The following CARMIL2 variants were observed in gnomAD, a reference collection of about 807,000 sequenced individuals.
The protein encoded by CARMIL2 is capping protein regulator and myosin 1 linker 2.
CARMIL2 carries 96 observed loss-of-function variants against 173.3 expected under a neutral mutation model. The observed-to-expected ratio is 0.55, with a 90% CI of 0.47 to 0.66. CARMIL2 has a LOEUF of 0.66. Ranked by LOEUF, CARMIL2 falls within the 30% of genes least tolerant of loss-of-function variation. The pLI is 0.00. For synonymous variants in CARMIL2, 830 were observed against 817.1 expected (o/e 1.02, Z -0.27); for missense variants, 1,771 against 1,906.7 (o/e 0.93, Z 1.33).
chr16:67,646,383 A>G lies in CARMIL2; in HGVS notation c.375-43A>G. On this transcript the variant is annotated intron_variant, in intron 5 of 37. Coordinates refer to ENST00000334583, the MANE Select transcript of CARMIL2 (RefSeq NM_001013838.3). The surrounding 1 kb of genome is among the most constrained non-coding windows in gnomAD (Gnocchi z 4.6). ...TGAGAAGGGCTGCTTCCCATCCCAG[A>G]GGCTGGAAGTCCTTTGCCCCCTTCT... 6.2e-7 allele frequency: 1 copy of G among 1,607,250 alleles called. No homozygotes were observed. Among genetic ancestry groups the G allele is most frequent in the Non-Finnish European group, 8.5e-7 (1 of 1,175,450 alleles).
chr16:67,646,028 C>G lies in CARMIL2; in HGVS notation c.197C>G (p.Thr66Arg). ...CTAGGCCCTTTCTAGGTGGACTGCA[C>G]GTTCAGCTACCTGGAGGTCCAGGCC... is the stretch of plus-strand genomic sequence containing the variant. ...TTCLPLRVDC[T>R]FSYLEVQAMA... The change falls in exon 4 of 38, where the codon ACG (threonine) becomes AGG (arginine). Residue 66 changes from threonine (T) to arginine (R), a missense_variant. Transcript: ENST00000334583. The surrounding 1 kb of genome is among the most constrained non-coding windows in gnomAD (Gnocchi z 4.6). 4 of 1,613,768 alleles carry G rather than the reference C, an allele frequency of 2.5e-6. No individual in the cohort carries two copies. Among genetic ancestry groups the G allele is most frequent in the Non-Finnish European group, 3.4e-6 (4 of 1,179,878 alleles).
In CARMIL2 at chr16:67,656,685, G is replaced by A. The variant is rs372340727; in HGVS notation, c.4036+40G>A. The A allele has an allele frequency of 4.2e-5, 66 of 1,571,418 alleles. 1 individual carries two copies. The highest frequency in any genetic ancestry group is 9.0e-5 in the East Asian group (4 of 44,280). On this transcript the variant is annotated intron_variant, in intron 35 of 37. Transcript: ENST00000334583. ...GATTCCCCACCCCAATCCTGGCCTC[G>A]GGGCTGGAGGAGTTCCTGCTGGGAA... is the stretch of plus-strand genomic sequence containing the variant.
At position 67,646,515 on chromosome 16, in the gene CARMIL2, G is replaced by A. The variant is rs1473444823; in HGVS notation, c.464G>A (p.Cys155Tyr). 6.2e-7 allele frequency: 1 copy of A among 1,612,922 alleles called. No individual in the cohort carries two copies. Reference sequence around the variant, plus strand: ...GAGTCCACTGACCCCTGCAGCCCCTGTGGTAAGGGTGAAGGCAGAGCCACA... The same window carrying A: ...GAGTCCACTGACCCCTGCAGCCCCTATGGTAAGGGTGAAGGCAGAGCCACA... ...PSESTDPCSP[C>Y]GGFLETYEAL... is the part of the protein sequence containing the mutation. Residue 155 changes from cysteine (C) to tyrosine (Y), a missense_variant and splice_region_variant, in exon 6 of 38, where the codon TGT (cysteine) becomes TAT (tyrosine). Cys to Tyr is a radical substitution (Grantham distance 194, BLOSUM62 -2). Coordinates refer to ENST00000334583, the MANE Select transcript of CARMIL2 (RefSeq NM_001013838.3). This position sits in a 1 kb window ranked among gnomAD's most constrained non-coding sequence, Gnocchi z 4.6.
chr16:67,651,130 C>A lies in CARMIL2; in HGVS notation c.2185-57C>A, dbSNP rs528439805. 8 of 1,573,364 alleles carry A rather than the reference C, an allele frequency of 5.1e-6. No homozygotes were observed. The South Asian group carries it at 8.1e-5, about 16-fold the overall frequency. ...TTAAAGAGCCTGGGAGGAAGGCAGG[C>A]AGGATCTGGGAGACTGGGAGGGGGC... On this transcript the variant is annotated intron_variant, in intron 22 of 37. Coordinates refer to ENST00000334583, the MANE Select transcript of CARMIL2 (RefSeq NM_001013838.3). The surrounding 1 kb of genome is among the most constrained non-coding windows in gnomAD (Gnocchi z 4.2).
Position 67,656,573 on chromosome 16 carries a change from C to T in CARMIL2, c.3964C>T (p.Pro1322Ser), listed in dbSNP as rs2052861477. Residue 1322 changes from proline to serine, a missense_variant, in exon 35 of 38, where the codon CCC (proline) becomes TCC (serine). Pro to Ser is a moderately conservative substitution (Grantham distance 74). Around this residue, in one of 3 missense-constraint regions of CARMIL2, gnomAD observed 817 missense variants for 903.5 expected, o/e 0.90. Transcript: ENST00000334583. ...TCCCTCCCCTGGTCAAAGCCCAAGT[C>T]CCTGCAGAACCAGCCCCTCCCCAGA... ...GPPSPGQSPS[P>S]CRTSPSPDSL... 6 of 1,612,868 alleles carry T rather than the reference C, an allele frequency of 3.7e-6. No individual in the cohort carries two copies. The highest frequency in any genetic ancestry group is 5.1e-6 in the Non-Finnish European group (6 of 1,179,656).
intron 22 of CARMIL2, chr16:67,650,817 T>A (rs2052708889): frequency 4.6e-6 from 1 of 215,168 alleles, no homozygotes; most frequent in African/African-American, 2.3e-5. Context: ...CCTTCATACA[T>A]GCCACTCCTT....
chr16:67,647,304 T>G lies in CARMIL2; in HGVS notation c.693T>G (p.Leu231=), dbSNP rs544130479. ...CGCCGCCCTCTGCTTCTCAGAGCCT[T>G]GAGGTCTCAGAACAGATTCTGCACA... The part of the protein sequence containing the change: ...CLSCVDMKLS[L]EVSEQILHMM... The change falls in exon 10 of 38, where the codon CTT becomes CTG. Residue 231 remains leucine, a synonymous_variant. Transcript: ENST00000334583. The G allele has an allele frequency of 5.6e-6, 9 of 1,603,360 alleles. No individual in the cohort carries two copies. The highest frequency in any genetic ancestry group is 7.7e-6 in the Non-Finnish European group (9 of 1,175,032).
Position 67,649,029 on chromosome 16 carries a change from C to T in CARMIL2, c.1592-47C>T, listed in dbSNP as rs868562203. ...TCATCCACTCGATTCCCAATCCCCA[C>T]CCTACCCTTGCAACTTCGCCTCGTG... On this transcript the variant is annotated intron_variant, in intron 17 of 37. Coordinates refer to ENST00000334583, the MANE Select transcript of CARMIL2 (RefSeq NM_001013838.3). This position sits in a 1 kb window ranked among gnomAD's most constrained non-coding sequence, Gnocchi z 6.7. 1 of 1,603,278 alleles carries T rather than the reference C, an allele frequency of 6.2e-7. No individual in the cohort carries two copies. Among genetic ancestry groups the T allele is most frequent in the Middle Eastern group, 1.7e-4 (1 of 6,050 alleles).
At position 67,645,549 on chromosome 16, in the gene CARMIL2, C is replaced by A. The variant is rs762181820; in HGVS notation, c.50C>A (p.Thr17Asn). 2 of 1,604,274 alleles carry A rather than the reference C, an allele frequency of 1.2e-6. No individual in the cohort carries two copies. The highest frequency in any genetic ancestry group is 2.2e-5 in the South Asian group (2 of 89,726). The change falls in exon 2 of 38, where the codon ACC becomes AAC. Residue 17 changes from threonine (T) to asparagine (N), a missense_variant. Thr to Asn is a moderately conservative substitution (Grantham distance 65, BLOSUM62 0). This residue lies in a region of CARMIL2 where 944 missense variants were observed against 975.6 expected (regional missense o/e 0.97). Transcript: ENST00000334583. ...GGCTGCCCTTCCACAGGCGAGATCACCAGGTTCCTGTGGCCCAAAGAGGTG... is the reference window on the plus strand; with the variant it reads ...GGCTGCCCTTCCACAGGCGAGATCAACAGGTTCCTGTGGCCCAAAGAGGTG... ...GISCELRGEI[T>N]RFLWPKEVEL...
rs1333720804 is a variant in CARMIL2 at position 67,646,154 on chromosome 16, G to A, written c.250-32G>A. The A allele has an allele frequency of 1.2e-6, 2 of 1,613,666 alleles. No individual in the cohort carries two copies. The highest frequency in any genetic ancestry group is 1.7e-6 in the Non-Finnish European group (2 of 1,179,832). Reference sequence around the variant, plus strand: ...ACCACCATCACCTGCGCCCATGTGTGGAGCCGAGGCCTAGTAGTGCCCCTT... The same window carrying A: ...ACCACCATCACCTGCGCCCATGTGTAGAGCCGAGGCCTAGTAGTGCCCCTT... On this transcript the variant is annotated intron_variant, in intron 4 of 37. Coordinates refer to ENST00000334583, the MANE Select transcript of CARMIL2 (RefSeq NM_001013838.3). This position sits in a 1 kb window ranked among gnomAD's most constrained non-coding sequence, Gnocchi z 4.6.
At chr16:67,654,121 T>A in intron 29 of CARMIL2, 28 bp from the exon 30 acceptor site, 2 of 1,211,446 alleles carry the variant, frequency 1.7e-6, no homozygotes, top group Non-Finnish European at 2.3e-6. Context: ...CACTCAACCC[T>A]GACCCCTGAC....
rs1400896561 is a variant in CARMIL2, at chr16:67,652,263, G to T, written c.2741G>T (p.Gly914Val). 1.2e-6 allele frequency: 2 copies of T among 1,613,418 alleles called. No individual in the cohort carries two copies. The highest frequency in any genetic ancestry group is 1.7e-6 in the Non-Finnish European group (2 of 1,179,856). ...MPPALPAPDG[G>V]EPSLLEPGEL... The stretch of plus-strand genomic sequence containing the variant: ...CCTGCCCTACCAGCACCGGATGGAG[G>T]TGAGCCCAGCCTCCTTGAGCCTGGG... Residue 914 changes from glycine to valine, a missense_variant, in exon 27 of 38, where the codon GGT becomes GTT. Transcript: ENST00000334583. The surrounding 1 kb of genome is among the most constrained non-coding windows in gnomAD (Gnocchi z 4.7).
intron 34 of CARMIL2, 38 bp from the exon 35 acceptor site, chr16:67,656,386 G>C (rs1306114532): frequency 6.2e-7 from 1 of 1,608,244 alleles, no homozygotes. Flanking sequence ...TATCGCCAAT[G>C]CCTGACCAGG....
rs2052742101 is a variant in CARMIL2 at position 67,652,344 on chromosome 16, G to C, written c.2817+5G>C. 2 of 1,613,152 alleles carry C rather than the reference G, an allele frequency of 1.2e-6. No homozygotes were observed. Among genetic ancestry groups the C allele is most frequent in the Non-Finnish European group, 1.7e-6 (2 of 1,179,808 alleles). On this transcript the variant is annotated splice_donor_5th_base_variant and intron_variant, in intron 27 of 37. Coordinates refer to ENST00000334583, the MANE Select transcript of CARMIL2 (RefSeq NM_001013838.3). The surrounding 1 kb of genome is among the most constrained non-coding windows in gnomAD (Gnocchi z 4.7). ...AAGGAAGAGGAGAAGGAGAAGGTAA[G>C]TGGTTTTAGAACACGGGGCATGGCA...
Position 67,653,321 on chromosome 16 carries a change from A to C in CARMIL2, c.3120+67A>C. 4.1e-5 allele frequency: 32 copies of C among 783,584 alleles called. No individual in the cohort carries two copies. The highest frequency in any genetic ancestry group is 6.0e-5 in the South Asian group (1 of 16,760). 48.5% of individuals were successfully genotyped at this position (783,584 alleles called of 1,614,324 possible). On this transcript the variant is annotated intron_variant, in intron 29 of 37. Transcript: ENST00000334583. This position sits in a 1 kb window ranked among gnomAD's most constrained non-coding sequence, Gnocchi z 7.4. ...ATCACGGGTGGCCCGGCCGCTCCTC[A>C]TGGGTGGTAGCGGTCAAGGAGAGGG... is the stretch of plus-strand genomic sequence containing the variant.
chr16:67,654,052 C>G (rs952863635), intron 29 of CARMIL2, 97 bp from the exon 30 acceptor site: 1 of 776,918 alleles, frequency 1.3e-6, no homozygotes, highest in Non-Finnish European at 2.0e-6. Flanking sequence ...GTCTGGAATC[C>G]TGGAGTTATT....
At position 67,650,091 on chromosome 16, in the gene CARMIL2, T is replaced by C. The variant is rs2142928313; in HGVS notation, c.2125T>C (p.Ser709Pro). 1 of 1,613,736 alleles carries C rather than the reference T, an allele frequency of 6.2e-7. No homozygotes were observed. Among genetic ancestry groups the C allele is most frequent in the Non-Finnish European group, 8.5e-7 (1 of 1,179,848 alleles). Residue 709 changes from serine to proline, a missense_variant, in exon 22 of 38, where the codon TCT becomes CCT. Ser to Pro is a moderately conservative substitution (Grantham distance 74). Transcript: ENST00000334583. ...GAGGAACAACCGCGCAGACCCTGCC[T>C]CTTCTGACCACACGACCCGCCTTCA... Reference protein sequence around the residue: ...LLRNNRADPASSDHTTRLQPL... With the variant: ...LLRNNRADPAPSDHTTRLQPL...
intron 1 of CARMIL2, 58 bp downstream of exon 1, chr16:67,645,344 C>CAG: frequency 1.3e-6 from 2 of 1,546,342 alleles, no homozygotes; most frequent in South Asian, 1.2e-5. Context: ...GCCCCAAAAT[C>CAG]AGAGGCCCAC....
Position 67,648,308 on chromosome 16 carries a change from C to T in CARMIL2, c.1328C>T (p.Ser443Phe). The T allele has an allele frequency of 6.3e-7, 1 of 1,589,380 alleles. No individual in the cohort carries two copies. Among genetic ancestry groups the T allele is most frequent in the Non-Finnish European group, 8.5e-7 (1 of 1,175,426 alleles). The stretch of plus-strand genomic sequence containing the variant: ...CTCGACGCTTCGAGGAACGTCTTCT[C>T]CCGCACGTAAGGGGGACCTGTCGGG... ...THLDASRNVF[S>F]RTKSRAAPAA... The change falls in exon 14 of 38, where the codon TCC becomes TTC. Residue 443 changes from serine to phenylalanine, a missense_variant. Transcript: ENST00000334583. This position sits in a 1 kb window ranked among gnomAD's most constrained non-coding sequence, Gnocchi z 6.1.
Sources: gnomAD v4.1 joint callset for allele counts on GRCh38, gnomAD v4.1.1 for gene constraint, gnomAD v4.1.1 regional missense constraint, Gnocchi (gnomAD v3.1) non-coding constraint, MANE v1.5 for transcripts, NCBI Gene and HGNC (gene_info 2026-07-23, HGNC 2026-07-21) for gene names.